TAL1: variants seen among roughly 807,000 people sequenced by gnomAD.
TAL1 encodes the protein TAL bHLH transcription factor 1, erythroid differentiation factor.
A neutral mutation model predicts 17.9 loss-of-function variants in TAL1; 8 were observed. That is an observed-to-expected ratio of 0.45 (90% CI 0.26 to 0.81). The LOEUF (loss-of-function observed/expected upper bound fraction) is 0.81, where lower values mean the gene tolerates loss of function less well. Among genes scored for constraint, TAL1 ranks in the 30% least tolerant of loss-of-function variants. The pLI is 0.17. For synonymous variants in TAL1, 223 were observed against 218.6 expected (o/e 1.02, Z -0.18); for missense variants, 466 against 486.9 (o/e 0.96, Z 0.40).
upstream of TAL1, chr1:47,231,812 A>C (rs1644018889): frequency 1.7e-5 from 4 of 233,880 alleles, no homozygotes; most frequent in South Asian, 7.2e-4. Flanking sequence ...CACACTTAGA[A>C]GCAGCCAACG....
At chr1:47,222,068 A>T (rs1299959248) in intron 3 of TAL1, among the ~76,000 whole-genome samples, 2 of 152,204 alleles carry the variant, frequency 1.3e-5, no homozygotes, top group Non-Finnish European at 2.9e-5. Context: ...CCTCTGAGGA[A>T]ATTACTTGCT....
At chr1:47,227,150 C>T (rs1050348726) in intron 1 of TAL1, 2 of 152,194 alleles carry the variant, frequency 1.3e-5, no homozygotes, top group Non-Finnish European at 2.9e-5. Context: ...CACAGCCACT[C>T]TACTTCCCAC....
At chr1:47,217,541 A>T (rs1645521339) in exon 4 of TAL1, 2 of 398,662 alleles carry the variant, frequency 5.0e-6, no homozygotes, top group East Asian at 7.1e-5. Flanking sequence ...CAGGCTGCGA[A>T]ACCCCACTGC....
At chr1:47,228,509 CA>C (rs1643948126) in intron 1 of TAL1, 1 of 185,150 alleles carries the variant, frequency 5.4e-6, no homozygotes, top group South Asian at 2.0e-4. Flanking sequence ...GCCAGACAGC[CA>C]GAATATTTCC....
upstream of TAL1, chr1:47,230,611 C>T (rs1387869796): frequency 6.6e-6 from 1 of 152,138 alleles, no homozygotes; most frequent in Non-Finnish European, 1.5e-5. Flanking sequence ...ATTTTCTCTT[C>T]CTACCTCAAA....
At chr1:47,222,462 C>T (rs1040507376) in intron 3 of TAL1, among the ~76,000 whole-genome samples, 4 of 152,158 alleles carry the variant, frequency 2.6e-5, no homozygotes, top group African/African-American at 9.7e-5. Context: ...ACACATAGTC[C>T]ATGGCACATA....
exon 4 of TAL1, chr1:47,216,333 C>A (rs553829100): frequency 9.2e-6 from 2 of 218,474 alleles, no homozygotes; most frequent in African/African-American, 4.5e-5. Flanking sequence ...CCGATACATC[C>A]TCACATATAT....
intron 3 of TAL1, among the ~76,000 whole-genome samples, chr1:47,222,679 C>T (rs1326371028): frequency 6.6e-6 from 1 of 152,092 alleles, no homozygotes; most frequent in African/African-American, 2.4e-5. Flanking sequence ...TCCAGAGAAC[C>T]ACCCCCTCTC....
chr1:47,216,880 AAGG>A (rs1645505757), exon 4 of TAL1: 2 of 231,876 alleles, frequency 8.6e-6, no homozygotes, highest in African/African-American at 4.4e-5. Flanking sequence ...GGTAACAAGG[AAGG>A]AGAGGAAGGA....
At chr1:47,219,617 G>A (rs528602990) in exon 4 of TAL1, 26 of 1,530,466 alleles carry the variant, frequency 1.7e-5, no homozygotes, top group Middle Eastern at 1.7e-4. Context: ...CAAGTCCACC[G>A]CCTTGCTTCA....
Position 47,220,617 on chromosome 1 carries a change from T to C in TAL1, c.542-443A>G, listed in dbSNP as rs116615625. On this transcript the variant is annotated intron_variant, in intron 3 of 3. Transcript: ENST00000294339. ...TGACATAAAAACTTGTGAAGTGCCT[T>C]GGCTTCATCACCTGCAAAATGGAGG... Among the ~76,000 whole-genome samples, 732 of 152,342 alleles carry C rather than the reference T, an allele frequency of 4.8e-3. 4 individuals carry two copies. The highest frequency in any genetic ancestry group is 0.016 in the African/African-American group (681 of 41,572).
chr1:47,220,317 C>T (rs1643757873), intron 3 of TAL1, 143 bp from the exon 5 acceptor site: 3 of 1,347,340 alleles, frequency 2.2e-6, no homozygotes, highest in Non-Finnish European at 2.9e-6. Context: ...AATTCAAGTT[C>T]CTGTGCTTCC....
At chr1:47,225,965 A>G (rs1044810757) in intron 1 of TAL1, 76 bp from the exon 3 acceptor site, 93 of 1,403,976 alleles carry the variant, frequency 6.6e-5, no homozygotes, top group Non-Finnish European at 8.4e-5. Context: ...GCTGGGGTAA[A>G]GGGGAGAAGG....
At chr1:47,228,761 G>A (rs1271589428) in intron 1 of TAL1, 2 of 160,070 alleles carry the variant, frequency 1.2e-5, no homozygotes, top group Admixed American at 1.3e-4. Flanking sequence ...CGGAGAAGAG[G>A]GGTGTTCCTG....
chr1:47,225,369 A>G (rs1643891056), intron 2 of TAL1, 74 bp downstream of exon 3: 1 of 1,199,556 alleles, frequency 8.3e-7, no homozygotes, highest in East Asian at 3.2e-5. Flanking sequence ...GCCGATGTGT[A>G]GAAGGAAACC....
At chr1:47,224,169 C>G (rs933234344) in intron 2 of TAL1, 71 bp from the exon 4 acceptor site, 2 of 1,514,282 alleles carry the variant, frequency 1.3e-6, no homozygotes, top group Admixed American at 1.7e-5. Flanking sequence ...CCTTAGGGAT[C>G]CTCCCCACAT....
intron 3 of TAL1, 68 bp downstream of exon 4, chr1:47,223,936 G>A (rs1643870681): frequency 6.9e-7 from 1 of 1,456,432 alleles, no homozygotes; most frequent in Non-Finnish European, 9.6e-7. Flanking sequence ...AGTCCCAGAT[G>A]TTCCCTCCTC....
intron 1 of TAL1, among the ~76,000 whole-genome samples, chr1:47,226,937 G>T (rs1643921644): frequency 6.6e-6 from 1 of 152,232 alleles, no homozygotes; most frequent in Non-Finnish European, 1.5e-5. Flanking sequence ...TTATGCATTT[G>T]AAAGTGCTGT....
In TAL1 at chr1:47,217,910, T is replaced by C. The variant is rs1162167653; in HGVS notation, c.*1810A>G. ...AACCCTAATTTTCACCAAAACATGA[T>C]CTGGGGAGCCTGAAATTGAATGGAG... On this transcript the variant is annotated 3_prime_UTR_variant, in exon 4 of 4. Coordinates refer to ENST00000294339, the Ensembl canonical transcript of TAL1. 1.5e-5 allele frequency: 6 copies of C among 397,118 alleles called. No homozygotes were observed. In the South Asian group the frequency reaches 7.1e-4, roughly 47 times the overall value. The allele number at this position is 397,118 out of a possible 1,614,324, so 24.6% of individuals were successfully genotyped here. A position where few individuals can be genotyped will look rare whatever the true frequency, so the allele number is the denominator to read the frequency against.
Sources: gnomAD v4.1 joint callset for allele counts (sites outside exome capture counted in the v4.1 genomes callset) on GRCh38, gnomAD v4.1.1 for gene constraint, MANE v1.5 for transcripts, NCBI Gene and HGNC (gene_info 2026-07-23, HGNC 2026-07-21) for gene names.